Variants in IKZF2 observed in about 807,000 individuals in gnomAD.
The protein encoded by IKZF2 is zinc finger protein Helios.
Under a neutral mutation model 49.2 loss-of-function variants are expected in IKZF2, and 15 were observed. The observed-to-expected ratio is 0.30, with a 90% CI of 0.20 to 0.47. The LOEUF is 0.47. Among genes scored for constraint, IKZF2 ranks in the 20% least tolerant of loss-of-function variants. The probability of loss-of-function intolerance (pLI) is 1.00; values close to 1 mark genes in which losing one functional copy is unlikely to be tolerated. For missense variants in IKZF2, 567 were observed against 664.6 expected (o/e 0.85, Z 1.61); for synonymous variants, 227 against 221.4 (o/e 1.03, Z -0.23).
At chr2:213,147,420 C>T in intron 4 of IKZF2, 1 of 566,640 alleles carries the variant, frequency 1.8e-6, no homozygotes, top group South Asian at 2.5e-5. Flanking sequence ...AAAATCCAGT[C>T]ATAAACCTGG....
At chr2:213,025,964 A>C (rs1044327226) in intron 6 of IKZF2, among the ~76,000 whole-genome samples, 6 of 152,092 alleles carry the variant, frequency 3.9e-5, no homozygotes, top group African/African-American at 1.4e-4. Flanking sequence ...ATTATTGCTC[A>C]CCTGGGCCTG....
At chr2:213,026,707 T>A (rs1359052722) in intron 6 of IKZF2, among the ~76,000 whole-genome samples, 1 of 152,148 alleles carries the variant, frequency 6.6e-6, no homozygotes, top group Admixed American at 6.6e-5. Context: ...TGCATTTTTT[T>A]AATGCATGCA....
chr2:213,008,096 T>C lies in IKZF2; in HGVS notation c.857-12A>G. 6.5e-7 allele frequency: 1 copy of C among 1,547,460 alleles called. No individual in the cohort carries two copies. Among genetic ancestry groups the C allele is most frequent in the Admixed American group, 2.1e-5 (1 of 47,028 alleles). ...CATGAGCTTTTCCCCTGGAAGGGAGTGGGAGGTGAAAGAAGTAAAAAAAAA... is the reference window on the plus strand; with the variant it reads ...CATGAGCTTTTCCCCTGGAAGGGAGCGGGAGGTGAAAGAAGTAAAAAAAAA... On this transcript the variant is annotated splice_polypyrimidine_tract_variant and intron_variant, in intron 8 of 8. Coordinates refer to ENST00000434687, the MANE Select transcript of IKZF2 (RefSeq NM_001387220.1).
In IKZF2 at chr2:213,082,852, A is replaced by G. The variant is rs186848819; in HGVS notation, c.140-25753T>C. Among the ~76,000 whole-genome samples, 18 of 152,320 alleles carry G rather than the reference A, an allele frequency of 1.2e-4. 1 individual carries two copies. The highest frequency in any genetic ancestry group is 2.4e-4 in the Non-Finnish European group (16 of 68,016). ...CTTATTACATCCATAAACACTGGAG[A>G]CATTTCACTACTTTTGACAGTTCAA... On this transcript the variant is annotated intron_variant, in intron 4 of 8. Coordinates refer to ENST00000434687, the MANE Select transcript of IKZF2 (RefSeq NM_001387220.1).
At chr2:213,010,700 G>A (rs75612627) in intron 8 of IKZF2, among the ~76,000 whole-genome samples, 2,931 of 152,106 alleles carry the variant, frequency 0.019, 96 homozygotes, top group African/African-American at 0.067. Context: ...TTTGGTAATG[G>A]AGAGAACTAG....
At chr2:213,045,591 G>A (rs989314910) in intron 6 of IKZF2, among the ~76,000 whole-genome samples, 8 of 152,144 alleles carry the variant, frequency 5.3e-5, no homozygotes, top group African/African-American at 1.7e-4. Flanking sequence ...TTGGGAGCAG[G>A]ATATAGTAAA....
intron 4 of IKZF2, among the ~76,000 whole-genome samples, chr2:213,136,967 A>G (rs930468773): frequency 7.2e-5 from 11 of 152,116 alleles, no homozygotes; most frequent in African/African-American, 2.4e-4. Flanking sequence ...TATCTCTTCA[A>G]ATTTGTTACA....
At chr2:213,084,744 A>G (rs539086484) in intron 4 of IKZF2, among the ~76,000 whole-genome samples, 17 of 152,322 alleles carry the variant, frequency 1.1e-4, no homozygotes, top group Admixed American at 1.0e-3. Flanking sequence ...CTAATCTGAA[A>G]GAATAAAATA....
intron 4 of IKZF2, among the ~76,000 whole-genome samples, chr2:213,074,153 C>A (rs1702999869): frequency 6.6e-6 from 1 of 152,116 alleles, no homozygotes; most frequent in Non-Finnish European, 1.5e-5. Context: ...CTTTTTAACC[C>A]CATATAAAAC....
At position 213,151,394 on chromosome 2, in the gene IKZF2, A is replaced by G. The variant is rs1377322366; in HGVS notation, c.-120+19T>C. ...ACAAGAGCTGTTCTTCACCACGCAAAAGCCAAGCGGAGATTTACCTCAGCA... is the reference window on the plus strand; with the variant it reads ...ACAAGAGCTGTTCTTCACCACGCAAGAGCCAAGCGGAGATTTACCTCAGCA... On this transcript the variant is annotated intron_variant, in intron 1 of 8. Coordinates refer to ENST00000434687, the MANE Select transcript of IKZF2 (RefSeq NM_001387220.1). 1.3e-5 allele frequency: 2 copies of G among 152,390 alleles called. No homozygotes were observed. The highest frequency in any genetic ancestry group is 2.9e-5 in the Non-Finnish European group (2 of 68,004). 9.4% of individuals were successfully genotyped at this position (152,390 alleles called of 1,614,324 possible). A position where few individuals can be genotyped will look rare whatever the true frequency, so the allele number is the denominator to read the frequency against.
intron 4 of IKZF2, among the ~76,000 whole-genome samples, chr2:213,141,071 A>G (rs1469601338): frequency 2.0e-5 from 3 of 151,934 alleles, no homozygotes; most frequent in Non-Finnish European, 4.4e-5. Context: ...AGTATTTGCT[A>G]TCTTCACTGA....
At chr2:213,147,242 C>T (rs1007331395) in intron 4 of IKZF2, 1 of 210,214 alleles carries the variant, frequency 4.8e-6, no homozygotes, top group Non-Finnish European at 9.5e-6. Context: ...CACTTCACTT[C>T]CAATGCTTTG....
chr2:213,053,827 T>C (rs1209449190), intron 5 of IKZF2, among the ~76,000 whole-genome samples: 1 of 152,170 alleles, frequency 6.6e-6, no homozygotes, highest in Non-Finnish European at 1.5e-5. Context: ...ATCAATAAAA[T>C]GAAACCATTA....
chr2:213,056,726 G>T, intron 5 of IKZF2, 107 bp downstream of exon 5: 1 of 1,372,764 alleles, frequency 7.3e-7, no homozygotes, highest in Non-Finnish European at 1.0e-6. Flanking sequence ...TGAAAAGGTA[G>T]TTTTCACCAC....
intron 2 of IKZF2, 69 bp downstream of exon 2, chr2:213,150,075 T>TAAA: frequency 1.1e-6 from 1 of 870,350 alleles, no homozygotes; most frequent in East Asian, 6.3e-5. Flanking sequence ...ATCAATGAAA[T>TAAA]GGTTATTAAC....
chr2:213,139,815 C>T (rs1416036956), intron 4 of IKZF2, among the ~76,000 whole-genome samples: 1 of 151,900 alleles, frequency 6.6e-6, no homozygotes, highest in Non-Finnish European at 1.5e-5. Flanking sequence ...TTTCACTGTA[C>T]ATCCTCAAAT....
chr2:213,070,581 T>C (rs568778141), intron 4 of IKZF2, among the ~76,000 whole-genome samples: 21 of 152,210 alleles, frequency 1.4e-4, no homozygotes, highest in South Asian at 4.1e-4. Flanking sequence ...TACCAATTTA[T>C]AGAGTACAGT....
intron 4 of IKZF2, among the ~76,000 whole-genome samples, chr2:213,108,170 A>C (rs1455744000): frequency 1.3e-5 from 2 of 152,184 alleles, no homozygotes; most frequent in African/African-American, 4.8e-5. Flanking sequence ...CAACTAGGAT[A>C]ACCTGTGAAA....
chr2:213,139,536 G>A (rs2060794605), intron 4 of IKZF2, among the ~76,000 whole-genome samples: 1 of 151,162 alleles, frequency 6.6e-6, no homozygotes, highest in African/African-American at 2.4e-5. Flanking sequence ...GAGTGATCCA[G>A]CTCCTATGTT....
Sources: allele counts gnomAD v4.1 joint callset (sites outside exome capture counted in the v4.1 genomes callset), GRCh38; gene constraint gnomAD v4.1.1; transcripts MANE v1.5; gene names NCBI Gene and HGNC (gene_info 2026-07-23, HGNC 2026-07-21).